PLCB1: variants seen among roughly 807,000 people sequenced by gnomAD.
PLCB1 encodes 1-phosphatidylinositol 4,5-bisphosphate phosphodiesterase beta-1.
PLCB1 carries 46 observed loss-of-function variants against 161.8 expected under a neutral mutation model. The ratio of observed to expected loss-of-function variants is 0.28; its 90% CI spans 0.22 to 0.36. PLCB1 has a LOEUF of 0.36. PLCB1 is among the 10% of genes least tolerant of loss of function. The probability of loss-of-function intolerance (pLI) is 1.00; values close to 1 mark genes in which losing one functional copy is unlikely to be tolerated. For synonymous variants in PLCB1, 517 were observed against 503.7 expected (o/e 1.03, Z -0.35); for missense variants, 1,016 against 1,472.5 (o/e 0.69, Z 5.07).
chr20:8,777,690 G>A (rs1288101681), intron 27 of PLCB1, among the ~76,000 whole-genome samples: 7 of 146,134 alleles, frequency 4.8e-5, no homozygotes, highest in Non-Finnish European at 8.9e-5. Context: ...TTACACTTCA[G>A]CCTGGGTGAC....
chr20:8,663,403 AT>A (rs1216664730), intron 9 of PLCB1, among the ~76,000 whole-genome samples: 3 of 152,040 alleles, frequency 2.0e-5, no homozygotes, highest in Non-Finnish European at 4.4e-5. Flanking sequence ...TAAATGAAAA[AT>A]TTTTAGTGTC....
intron 14 of PLCB1, among the ~76,000 whole-genome samples, chr20:8,722,149 A>G (rs1433882849): frequency 2.3e-5 from 1 of 43,348 alleles, no homozygotes; most frequent in Non-Finnish European, 4.8e-5. Context: ...TTTATTAACA[A>G]ATCCAGTTTA....
chr20:8,669,524 C>G (rs1172619979), intron 9 of PLCB1, among the ~76,000 whole-genome samples: 1 of 152,206 alleles, frequency 6.6e-6, no homozygotes, highest in African/African-American at 2.4e-5. Context: ...CTATTCTTGA[C>G]TTACTCGTTG....
chr20:8,857,972 A>T (rs1183042744), intron 31 of PLCB1, among the ~76,000 whole-genome samples: 2 of 152,144 alleles, frequency 1.3e-5, no homozygotes, highest in Non-Finnish European at 1.5e-5. Context: ...TATTCTCAAT[A>T]CTATTCTTTT....
chr20:8,718,950 T>G (rs190471415), intron 14 of PLCB1, among the ~76,000 whole-genome samples: 1 of 152,356 alleles, frequency 6.6e-6, no homozygotes, highest in Non-Finnish European at 1.5e-5. Flanking sequence ...ATTACTTAAA[T>G]TATCTTTTGA....
At chr20:8,138,659 T>C (rs1461564607) in intron 1 of PLCB1, among the ~76,000 whole-genome samples, 2 of 152,182 alleles carry the variant, frequency 1.3e-5, no homozygotes, top group African/African-American at 4.8e-5. Flanking sequence ...AATATAGACA[T>C]ATTTCTGAGG....
rs1180019278 is a variant in PLCB1 at position 8,601,943 on chromosome 20, C to G, written c.247-26351C>G. 2.0e-5 allele frequency among the ~76,000 whole-genome samples: 3 copies of G among 152,320 alleles called. No homozygotes were observed. The East Asian group carries it at 5.8e-4, about 29-fold the overall frequency. ...TCTACAGCTCTATCAATCCCTTCCT[C>G]TTTCCCTCCCTTGCAGCACCAACAC... On this transcript the variant is annotated intron_variant, in intron 3 of 31. Coordinates refer to ENST00000338037, the MANE Select transcript of PLCB1 (RefSeq NM_015192.4).
At chr20:8,504,159 C>T (rs1397852142) in intron 3 of PLCB1, among the ~76,000 whole-genome samples, 2 of 152,166 alleles carry the variant, frequency 1.3e-5, no homozygotes, top group Admixed American at 6.6e-5. Flanking sequence ...CATTGCAGAT[C>T]AAGAGGGGGC....
chr20:8,825,901 G>C (rs1224090058), intron 31 of PLCB1, among the ~76,000 whole-genome samples: 2 of 152,264 alleles, frequency 1.3e-5, no homozygotes, highest in African/African-American at 4.8e-5. Flanking sequence ...ATTGGCTGTA[G>C]GATACAGGGA....
At chr20:8,547,257 C>T (rs6086494) in intron 3 of PLCB1, among the ~76,000 whole-genome samples, 47,301 of 152,036 alleles carry the variant, frequency 0.31, 8,020 homozygotes, top group Non-Finnish European at 0.38. Context: ...TGAAGCCCTA[C>T]GGCAGACTTT....
At chr20:8,717,427 C>T (rs1055350297) in intron 13 of PLCB1, among the ~76,000 whole-genome samples, 11 of 152,112 alleles carry the variant, frequency 7.2e-5, no homozygotes, top group South Asian at 2.1e-4. Flanking sequence ...TCAAATCTAC[C>T]AGTACATTTC....
intron 2 of PLCB1, among the ~76,000 whole-genome samples, chr20:8,287,949 T>C (rs1272696023): frequency 2.0e-5 from 3 of 152,170 alleles, no homozygotes; most frequent in Non-Finnish European, 4.4e-5. Context: ...TTGAATATAT[T>C]TGGCAGCAGC....
At chr20:8,288,998 A>T (rs1983259413) in intron 2 of PLCB1, among the ~76,000 whole-genome samples, 1 of 152,126 alleles carries the variant, frequency 6.6e-6, no homozygotes, top group Non-Finnish European at 1.5e-5. Context: ...CCGGGGACAC[A>T]ATTTGTTGAA....
At chr20:8,148,818 T>C (rs772089251) in intron 1 of PLCB1, among the ~76,000 whole-genome samples, 4 of 152,228 alleles carry the variant, frequency 2.6e-5, no homozygotes, top group Non-Finnish European at 5.9e-5. Context: ...TATACAATTT[T>C]ACTTATATAA....
At chr20:8,156,959 C>T (rs1722546553) in intron 2 of PLCB1, among the ~76,000 whole-genome samples, 1 of 152,102 alleles carries the variant, frequency 6.6e-6, no homozygotes, top group African/African-American at 2.4e-5. Context: ...ACCAAGTGAC[C>T]ATTTATTTAT....
At chr20:8,558,711 A>G (rs1306523191) in intron 3 of PLCB1, among the ~76,000 whole-genome samples, 1 of 151,942 alleles carries the variant, frequency 6.6e-6, no homozygotes, top group African/African-American at 2.4e-5. Flanking sequence ...AATCACATAC[A>G]AATGATCTTC....
chr20:8,383,632 C>T (rs565765846), intron 3 of PLCB1, among the ~76,000 whole-genome samples: 3 of 152,252 alleles, frequency 2.0e-5, no homozygotes, highest in East Asian at 1.9e-4. Context: ...TAGTGTCATT[C>T]GTCTTTATAT....
chr20:8,169,738 G>A (rs893063806), intron 2 of PLCB1, among the ~76,000 whole-genome samples: 7 of 152,228 alleles, frequency 4.6e-5, no homozygotes, highest in South Asian at 2.1e-4. Context: ...TGCAGTTTTC[G>A]ATGCCTGAAT....
rs1171204401 is a variant in PLCB1 at position 8,881,856 on chromosome 20, C to T, written c.*7C>T. On this transcript the variant is annotated 3_prime_UTR_variant, in exon 32 of 32. Coordinates refer to ENST00000338037, the MANE Select transcript of PLCB1 (RefSeq NM_015192.4). Reference sequence around the variant, plus strand: ...ATTTGATACTCCTCTGTGAATGCTCCTGCCAGGCCTTCAGAAATTGCATGG... The same window carrying T: ...ATTTGATACTCCTCTGTGAATGCTCTTGCCAGGCCTTCAGAAATTGCATGG... 2.5e-6 allele frequency: 4 copies of T among 1,587,974 alleles called. No individual in the cohort carries two copies. The highest frequency in any genetic ancestry group is 3.5e-6 in the Non-Finnish European group (4 of 1,156,588).
Sources: allele counts gnomAD v4.1 joint callset (sites outside exome capture counted in the v4.1 genomes callset), GRCh38; gene constraint gnomAD v4.1.1; transcripts MANE v1.5; gene names NCBI Gene and HGNC (gene_info 2026-07-23, HGNC 2026-07-21).